CAPRIN1: variants seen among roughly 807,000 people sequenced by gnomAD.
CAPRIN1 encodes cell cycle associated protein 1, also known as caprin-1.
A neutral mutation model predicts 100.9 loss-of-function variants in CAPRIN1; 29 were observed. The observed-to-expected ratio is 0.29, with a 90% confidence interval of 0.21 to 0.39. CAPRIN1 has a LOEUF of 0.39. Among genes scored for constraint, CAPRIN1 ranks in the 10% least tolerant of loss-of-function variants. CAPRIN1 has a pLI of 1.00. For missense variants in CAPRIN1, 795 were observed against 876.7 expected (o/e 0.91, Z 1.18); for synonymous variants, 338 against 307.5 (o/e 1.10, Z -1.04).
In CAPRIN1 at chr11:34,100,298, ACT is replaced by A. The variant is rs1268618121; in HGVS notation, c.*935_*936del. The A allele has an allele frequency of 6.6e-6, 1 of 151,364 alleles. No homozygotes were observed. The highest frequency in any genetic ancestry group is 2.4e-5 in the African/African-American group (1 of 41,154). 9.4% of individuals were successfully genotyped at this position (151,364 alleles called of 1,614,324 possible). ...AAAATCTCTAGTGGATAATCATAAC[ACT>A]CTCGGTCACATGTTTTTCCTTCAGC... is the stretch of plus-strand genomic sequence containing the variant. On this transcript the variant is annotated 3_prime_UTR_variant, in exon 19 of 19. Transcript: ENST00000341394.
In CAPRIN1 at chr11:34,052,550, A is replaced by G. The variant is rs773789573; in HGVS notation, c.130A>G (p.Thr44Ala). 50 of 1,608,554 alleles carry G rather than the reference A, an allele frequency of 3.1e-5. No individual in the cohort carries two copies. Among genetic ancestry groups the G allele is most frequent in the Non-Finnish European group, 4.1e-5 (48 of 1,178,350 alleles). The change falls in exon 2 of 19, where the codon ACC becomes GCC. Residue 44 changes from threonine to alanine, a missense_variant. Transcript: ENST00000341394. ...AAAPASQHPA[T>A]GTGAVQTEAM... The stretch of plus-strand genomic sequence containing the variant: ...CGCGCCGGCTTCTCAGCACCCCGCA[A>G]CCGGCACCGGCGCTGTCCAGACCGA...
intron 15 of CAPRIN1, chr11:34,096,197 A>G (rs1437414758): frequency 8.1e-6 from 2 of 248,320 alleles, no homozygotes; most frequent in African/African-American, 4.5e-5. Flanking sequence ...AGAAGACGTT[A>G]ATATAGCCTT....
At position 34,101,053 on chromosome 11, in the gene CAPRIN1, G is replaced by GC. The variant is rs1851446850; in HGVS notation, c.*1686_*1687insC. On this transcript the variant is annotated 3_prime_UTR_variant, in exon 19 of 19. Transcript: ENST00000341394. ...GCTGGTTTTGTAACCTACCAAAATG[G>GC]ATAGGCTGTTGAACATTCCACATTC... is the stretch of plus-strand genomic sequence containing the variant. The GC allele has an allele frequency of 6.6e-6, 1 of 152,582 alleles. No individual in the cohort carries two copies. The highest frequency in any genetic ancestry group is 2.4e-5 in the African/African-American group (1 of 41,436). The allele number at this position is 152,582 out of a possible 1,614,324, so 9.5% of individuals were successfully genotyped here.
intron 2 of CAPRIN1, chr11:34,055,713 A>G (rs1850435674): frequency 6.6e-6 from 1 of 152,228 alleles, no homozygotes; most frequent in African/African-American, 2.4e-5. Context: ...TGCCGTGTTA[A>G]TAATGGAGAT....
At chr11:34,059,301 C>T (rs1483597360) in intron 2 of CAPRIN1, among the ~76,000 whole-genome samples, 3 of 145,594 alleles carry the variant, frequency 2.1e-5, no homozygotes, top group Non-Finnish European at 3.0e-5. Flanking sequence ...CGGAGTCTTG[C>T]TGTGTCGCCC....
intron 15 of CAPRIN1, among the ~76,000 whole-genome samples, chr11:34,093,952 A>G (rs539574957): frequency 2.2e-4 from 21 of 97,316 alleles, no homozygotes; most frequent in African/African-American, 7.3e-4. Context: ...AAGTACATGG[A>G]TTGCTTTTTC....
intron 6 of CAPRIN1, among the ~76,000 whole-genome samples, chr11:34,076,932 G>A (rs1850919959): frequency 6.6e-6 from 1 of 151,796 alleles, no homozygotes; most frequent in Non-Finnish European, 1.5e-5. Flanking sequence ...ACAGGGTTTC[G>A]CCATGTAGGC....
intron 2 of CAPRIN1, among the ~76,000 whole-genome samples, chr11:34,058,177 C>T (rs796939434): frequency 1.5e-4 from 23 of 152,218 alleles, no homozygotes; most frequent in African/African-American, 5.5e-4. Flanking sequence ...GCTCTGTCGC[C>T]CAGGACTGGA....
At chr11:34,079,984 C>T (rs956386191) in intron 7 of CAPRIN1, among the ~76,000 whole-genome samples, 3 of 142,306 alleles carry the variant, frequency 2.1e-5, no homozygotes, top group South Asian at 2.2e-4. Flanking sequence ...AGTGCAGTGG[C>T]GTGATCTCGG....
chr11:34,077,289 G>T (rs1486974859), intron 6 of CAPRIN1, among the ~76,000 whole-genome samples: 1 of 152,152 alleles, frequency 6.6e-6, no homozygotes, highest in Non-Finnish European at 1.5e-5. Flanking sequence ...CACAGCTTTT[G>T]GTAATAGATA....
intron 15 of CAPRIN1, 131 bp downstream of exon 15, chr11:34,092,187 T>C: frequency 1.3e-6 from 1 of 794,434 alleles, no homozygotes; most frequent in South Asian, 2.4e-5. Context: ...TATGAATTTT[T>C]CATTTCAGAT....
intron 12 of CAPRIN1, chr11:34,089,978 G>A (rs1193848594): frequency 8.8e-6 from 3 of 339,986 alleles, no homozygotes; most frequent in Middle Eastern, 8.7e-4. Flanking sequence ...TTTATTTAAC[G>A]TCGAGCTTCA....
intron 15 of CAPRIN1, among the ~76,000 whole-genome samples, chr11:34,092,800 T>C (rs1228743036): frequency 6.6e-6 from 1 of 152,202 alleles, no homozygotes; most frequent in Non-Finnish European, 1.5e-5. Context: ...TTTTGTCAAG[T>C]AAGGTCATAA....
intron 2 of CAPRIN1, chr11:34,055,944 T>A (rs1320655259): frequency 6.6e-6 from 1 of 152,218 alleles, no homozygotes; most frequent in Middle Eastern, 3.2e-3. Context: ...GCATTTGGAT[T>A]TGCCCTAAAT....
chr11:34,096,570 T>C lies in CAPRIN1; in HGVS notation c.1797T>C (p.Arg599=). 1.2e-6 allele frequency: 2 copies of C among 1,614,058 alleles called. No individual in the cohort carries two copies. Among genetic ancestry groups the C allele is most frequent in the Non-Finnish European group, 1.7e-6 (2 of 1,179,966 alleles). ...QPPQQNTGFP[R]SNQPYYNSRG... ...CTCAGCAGAACACTGGATTTCCACG[T>C]AGCAATCAGCCCTATTACAATAGTC... The change falls in exon 16 of 19, where the codon CGT becomes CGC. Residue 599 remains arginine (R), a synonymous_variant. Coordinates refer to ENST00000341394, the MANE Select transcript of CAPRIN1 (RefSeq NM_005898.5).
chr11:34,074,881 C>CA (rs997722209), intron 4 of CAPRIN1, among the ~76,000 whole-genome samples: 2 of 152,042 alleles, frequency 1.3e-5, no homozygotes, highest in East Asian at 3.9e-4. Context: ...AAAAAACAAA[C>CA]AAAAAACACC....
At chr11:34,083,651 C>A (rs1590738804) in intron 9 of CAPRIN1, among the ~76,000 whole-genome samples, 1 of 152,336 alleles carries the variant, frequency 6.6e-6, no homozygotes, top group Middle Eastern at 3.4e-3. Context: ...ACCTTACCAA[C>A]TGGTCCTGGC....
chr11:34,087,427 G>A lies in CAPRIN1; in HGVS notation c.1231+1014G>A, dbSNP rs969031222. 2.7e-5 allele frequency among the ~76,000 whole-genome samples: 3 copies of A among 110,742 alleles called. 1 individual carries two copies. Among genetic ancestry groups the A allele is most frequent in the African/African-American group, 7.6e-5 (2 of 26,410 alleles). 72.7% of individuals were successfully genotyped at this position (110,742 alleles called of 152,430 possible). On this transcript the variant is annotated intron_variant, in intron 11 of 18. Coordinates refer to ENST00000341394, the MANE Select transcript of CAPRIN1 (RefSeq NM_005898.5). ...CGGCTCACTGCAAGCTCCGCCTCCC[G>A]GGTTCACGCCATTCTCCTGCCTCAG...
chr11:34,066,783 G>A (rs1420666269), intron 2 of CAPRIN1, among the ~76,000 whole-genome samples: 2 of 150,322 alleles, frequency 1.3e-5, no homozygotes, highest in Non-Finnish European at 3.0e-5. Flanking sequence ...ATGCCACCAT[G>A]CCTGGCTAAT....
Sources: allele counts gnomAD v4.1 joint callset (sites outside exome capture counted in the v4.1 genomes callset), GRCh38; gene constraint gnomAD v4.1.1; transcripts MANE v1.5; gene names NCBI Gene and HGNC (gene_info 2026-07-23, HGNC 2026-07-21).